FABP9: variants seen among roughly 807,000 people sequenced by gnomAD.
FABP9 encodes fatty acid-binding protein 9.
Under a neutral mutation model 14.7 loss-of-function variants are expected in FABP9, and 11 were observed. The ratio of observed to expected loss-of-function variants is 0.75; its 90% CI spans 0.47 to 1.24. The LOEUF is 1.24. Among genes scored for constraint, FABP9 ranks in the 50% most tolerant of loss-of-function variants. FABP9 has a pLI of 0.00. For missense variants in FABP9, 171 were observed against 158.2 expected, an observed-to-expected ratio of 1.08 and a Z score of -0.44; for synonymous variants, 54 against 50.6, an observed-to-expected ratio of 1.07 and a Z score of -0.29.
rs750182639 is a variant in FABP9, at chr8:81,461,472, C to G, written c.52G>C (p.Glu18Gln). Residue 18 changes from glutamate to glutamine, a missense_variant, in exon 1 of 4, where the codon GAG becomes CAG. Physicochemically the swap from Glu to Gln is conservative, Grantham distance 29. Transcript: ENST00000379071. ...TWKLVSSENF[E>Q]DYMKELGVNF... is the part of the protein sequence containing the mutation. ...TCACCCAGTTCTTTCATGTAATCCTCAAAGTTTTCACTGGAGACCAGCTTC... is the reference window on the plus strand; with the variant it reads ...TCACCCAGTTCTTTCATGTAATCCTGAAAGTTTTCACTGGAGACCAGCTTC... 6.2e-7 allele frequency: 1 copy of G among 1,613,528 alleles called. No homozygotes were observed. The highest frequency in any genetic ancestry group is 1.7e-5 in the Admixed American group (1 of 60,004).
chr8:81,459,636 G>A (rs899451071), intron 1 of FABP9, among the ~76,000 whole-genome samples: 2 of 152,136 alleles, frequency 1.3e-5, no homozygotes, highest in East Asian at 1.9e-4. Flanking sequence ...GGAGTGTTAC[G>A]ATAACCTTGT....
At chr8:81,458,777 T>C in intron 2 of FABP9, 74 bp from the exon 3 acceptor site, 1 of 996,528 alleles carries the variant, frequency 1.0e-6, no homozygotes, top group East Asian at 2.4e-5. Flanking sequence ...TATCTACTTT[T>C]TAATTTCTAT....
At chr8:81,459,138 T>G in intron 2 of FABP9, 27 bp downstream of exon 2, 3 of 1,558,000 alleles carry the variant, frequency 1.9e-6, no homozygotes, top group Non-Finnish European at 2.6e-6. Flanking sequence ...TCCTGATTGT[T>G]GAACACCAGG....
At position 81,461,566 on chromosome 8, in the gene FABP9, A is replaced by G; in HGVS notation, c.-43T>C. 1.4e-6 allele frequency: 2 copies of G among 1,443,666 alleles called. No individual in the cohort carries two copies. The highest frequency in any genetic ancestry group is 2.0e-6 in the Non-Finnish European group (2 of 1,024,944). 89.4% of individuals were successfully genotyped at this position (1,443,666 alleles called of 1,614,324 possible). On this transcript the variant is annotated 5_prime_UTR_variant, in exon 1 of 4. Transcript: ENST00000379071. ...GAAGAGCCACTCGTAATTGAAAACC[A>G]AAGAAATATAGGCATTACGGTGCTG...
intron 1 of FABP9, 61 bp from the exon 2 acceptor site, chr8:81,459,398 C>T: frequency 7.1e-7 from 1 of 1,399,390 alleles, no homozygotes; most frequent in East Asian, 2.8e-5. Flanking sequence ...CTCTGGAAGT[C>T]AATTTTCAAA....
At chr8:81,458,795 T>A in intron 2 of FABP9, 92 bp from the exon 3 acceptor site, 1 of 904,728 alleles carries the variant, frequency 1.1e-6, no homozygotes, top group Non-Finnish European at 1.7e-6. Context: ...TATTTTGAAA[T>A]TCTTTTCTTA....
chr8:81,459,097 G>C, intron 2 of FABP9, 68 bp downstream of exon 2: 3 of 1,391,454 alleles, frequency 2.2e-6, no homozygotes, highest in Non-Finnish European at 2.9e-6. Flanking sequence ...TCAAATTACA[G>C]TAAACCATGC....
chr8:81,461,454 G>A lies in FABP9; in HGVS notation c.70C>T (p.Leu24=). The change falls in exon 1 of 4, where the codon CTG becomes TTG. Residue 24 remains leucine, a synonymous_variant. Coordinates refer to ENST00000379071, the MANE Select transcript of FABP9 (RefSeq NM_001080526.2). ...SENFEDYMKE[L]GVNFAARNMA... is the part of the protein sequence containing the mutation. ...AATTTGTAATGGTATTTCTCACCCAGTTCTTTCATGTAATCCTCAAAGTTT... is the reference window on the plus strand; with the variant it reads ...AATTTGTAATGGTATTTCTCACCCAATTCTTTCATGTAATCCTCAAAGTTT... 10 of 1,609,566 alleles carry A rather than the reference G, an allele frequency of 6.2e-6. No homozygotes were observed. The highest frequency in any genetic ancestry group is 8.5e-6 in the Non-Finnish European group (10 of 1,175,954).
Position 81,458,264 on chromosome 8 carries a change from G to C in FABP9, c.*119C>G. 2 of 755,952 alleles carry C rather than the reference G, an allele frequency of 2.6e-6. No homozygotes were observed. The highest frequency in any genetic ancestry group is 4.5e-6 in the Non-Finnish European group (2 of 440,740). 46.8% of individuals were successfully genotyped at this position (755,952 alleles called of 1,614,324 possible). A position where few individuals can be genotyped will look rare whatever the true frequency, so the allele number is the denominator to read the frequency against. ...GCTTCAAAACTGCACTTAATTTGAT[G>C]CTTTTATTAAGCAAATTTATATTGA... On this transcript the variant is annotated 3_prime_UTR_variant, in exon 4 of 4. Coordinates refer to ENST00000379071, the MANE Select transcript of FABP9 (RefSeq NM_001080526.2).
In FABP9 at chr8:81,458,699, G is replaced by T. The variant is rs992423647; in HGVS notation, c.251C>A (p.Thr84Asn). 1.2e-6 allele frequency: 2 copies of T among 1,611,204 alleles called. No individual in the cohort carries two copies. The highest frequency in any genetic ancestry group is 8.5e-7 in the Non-Finnish European group (1 of 1,177,938). The part of the protein sequence containing the change: ...TTADNRKVKS[T>N]ITLENGSMIH... ...CATTGAGCCATTCTCTAATGTTATG[G>T]TGCTCTATAAATGCATAAAGAAATC... The change falls in exon 3 of 4, where the codon ACC becomes AAC. Residue 84 changes from threonine (T) to asparagine (N), a missense_variant. Transcript: ENST00000379071.
chr8:81,459,446 G>A (rs920637791), intron 1 of FABP9, 109 bp from the exon 2 acceptor site: 9 of 981,708 alleles, frequency 9.2e-6, no homozygotes, highest in Non-Finnish European at 1.3e-5. Flanking sequence ...TTTGGATAAT[G>A]TATAGTAACT....
At chr8:81,459,998 G>C (rs1239358908) in intron 1 of FABP9, among the ~76,000 whole-genome samples, 1 of 150,984 alleles carries the variant, frequency 6.6e-6, no homozygotes, top group African/African-American at 2.5e-5. Flanking sequence ...TTGTTTGTTT[G>C]TTTGTTTGTT....
Position 81,459,265 on chromosome 8 carries a change from A to G in FABP9, c.146T>C (p.Met49Thr). The G allele has an allele frequency of 6.3e-7, 1 of 1,580,516 alleles. No homozygotes were observed. The highest frequency in any genetic ancestry group is 8.6e-7 in the Non-Finnish European group (1 of 1,169,044). The change falls in exon 2 of 4, where the codon ATG becomes ACG. Residue 49 changes from methionine to threonine, a missense_variant. Coordinates refer to ENST00000379071, the MANE Select transcript of FABP9 (RefSeq NM_001080526.2). ...PTVTISVDGKMMTIRTESSFQ... is the reference protein window; with the variant it reads ...PTVTISVDGKTMTIRTESSFQ... ...AGAACTTTCTGTTCTTATGGTCATC[A>G]TTTTCCCATCAACACTAATAGTTAC...
chr8:81,459,037 A>C, intron 2 of FABP9, 128 bp downstream of exon 2: 1 of 769,926 alleles, frequency 1.3e-6, no homozygotes, highest in Non-Finnish European at 2.1e-6. Flanking sequence ...GATTAACTTT[A>C]GAGATGTGCG....
chr8:81,460,516 T>C, intron 1 of FABP9, among the ~76,000 whole-genome samples: 1 of 152,222 alleles, frequency 6.6e-6, no homozygotes, highest in Non-Finnish European at 1.5e-5. Context: ...AAAACTTGTT[T>C]CTTATGACCC....
Position 81,458,600 on chromosome 8 carries a change from A to G in FABP9, c.348+2T>C. On this transcript the variant is annotated splice_donor_variant, in intron 3 of 3. Coordinates refer to ENST00000379071, the MANE Select transcript of FABP9 (RefSeq NM_001080526.2). LOFTEE classifies it high-confidence loss of function. The stretch of plus-strand genomic sequence containing the variant: ...AAAGACTTCAATTTAAAGAAAACTT[A>G]CCACTACCATTTTTTCATCCACAAT... 6.2e-7 allele frequency: 1 copy of G among 1,606,374 alleles called. No homozygotes were observed.
At chr8:81,459,458 A>T in intron 1 of FABP9, 121 bp from the exon 2 acceptor site, 2 of 870,644 alleles carry the variant, frequency 2.3e-6, no homozygotes, top group Non-Finnish European at 3.3e-6. Flanking sequence ...ATAGTAACTT[A>T]TTTTATGTTT....
In FABP9 at chr8:81,461,440, G is replaced by T; in HGVS notation, c.73+11C>A. The T allele has an allele frequency of 6.3e-7, 1 of 1,594,280 alleles. No homozygotes were observed. ...TTTGCCAATTTCCAAATTTGTAATG[G>T]TATTTCTCACCCAGTTCTTTCATGT... is the stretch of plus-strand genomic sequence containing the variant. On this transcript the variant is annotated intron_variant, in intron 1 of 3. Coordinates refer to ENST00000379071, the MANE Select transcript of FABP9 (RefSeq NM_001080526.2).
chr8:81,459,419 T>C (rs1807653541), intron 1 of FABP9, 82 bp from the exon 2 acceptor site: 2 of 1,313,046 alleles, frequency 1.5e-6, no homozygotes, highest in Admixed American at 3.0e-5. Flanking sequence ...GAATGCTTAC[T>C]TTACCTATTT....
Sources: gnomAD v4.1 joint callset for allele counts (sites outside exome capture counted in the v4.1 genomes callset) on GRCh38, gnomAD v4.1.1 for gene constraint, MANE v1.5 for transcripts, NCBI Gene and HGNC (gene_info 2026-07-23, HGNC 2026-07-21) for gene names.